The following CDH12 variants were observed in gnomAD, a reference collection of about 807,000 sequenced individuals.
CDH12 encodes cadherin-12.
CDH12 carries 41 observed loss-of-function variants against 74.1 expected under a neutral mutation model. The ratio of observed to expected loss-of-function variants is 0.55; its 90% confidence interval spans 0.43 to 0.72. The LOEUF (loss-of-function observed/expected upper bound fraction) is 0.72, where lower values mean the gene tolerates loss of function less well. Among genes scored for constraint, CDH12 ranks in the 30% least tolerant of loss-of-function variants. The pLI, the probability that CDH12 is intolerant of heterozygous loss-of-function variation, is 0.00. For missense variants in CDH12, 945 were observed against 977.2 expected (o/e 0.97, Z 0.44); for synonymous variants, 399 against 355.0 (o/e 1.12, Z -1.39).
chr5:22,794,460 G>A (rs562738138), intron 1 of CDH12, among the ~76,000 whole-genome samples: 35 of 152,244 alleles, frequency 2.3e-4, no homozygotes, highest in Admixed American at 1.8e-3. Flanking sequence ...TAACTGGAGC[G>A]GAGTCTGGGT....
intron 5 of CDH12, among the ~76,000 whole-genome samples, chr5:22,006,631 A>G (rs1736980203): frequency 6.6e-6 from 1 of 152,154 alleles, no homozygotes; most frequent in Non-Finnish European, 1.5e-5. Context: ...AACATTTACA[A>G]ACTAATAGGT....
At chr5:22,429,856 T>A (rs993895692) in intron 2 of CDH12, among the ~76,000 whole-genome samples, 3 of 152,212 alleles carry the variant, frequency 2.0e-5, no homozygotes, top group Non-Finnish European at 4.4e-5. Flanking sequence ...TGGTTTTGTA[T>A]AATTAATTGG....
chr5:22,425,263 A>G (rs1349896291), intron 2 of CDH12, among the ~76,000 whole-genome samples: 1 of 150,168 alleles, frequency 6.7e-6, no homozygotes, highest in African/African-American at 2.4e-5. Flanking sequence ...AACAATAGCT[A>G]GGCTATTTCC....
chr5:22,391,488 C>G (rs928071134), intron 3 of CDH12, among the ~76,000 whole-genome samples: 1 of 151,792 alleles, frequency 6.6e-6, no homozygotes, highest in Non-Finnish European at 1.5e-5. Flanking sequence ...ACTTCCCTGA[C>G]CATTACTTTT....
Position 22,138,074 on chromosome 5 carries a change from A to G in CDH12, c.-186-59212T>C, listed in dbSNP as rs1195832658. 2.6e-5 allele frequency among the ~76,000 whole-genome samples: 4 copies of G among 152,230 alleles called. No homozygotes were observed. In the East Asian group the frequency reaches 7.7e-4, roughly 29 times the overall value. ...ACCATAAGATTTCTACTGTAGAGCT[A>G]GAGCTATTTCACAGTTTAAAAGCTT... is the stretch of plus-strand genomic sequence containing the variant. On this transcript the variant is annotated intron_variant, in intron 4 of 14. Coordinates refer to ENST00000382254, the MANE Select transcript of CDH12 (RefSeq NM_004061.5).
In CDH12 at chr5:22,641,498, A is replaced by G. The variant is rs186401902; in HGVS notation, c.-522-136134T>C. ...GCTGAATCACACACCAATCTCCTCC[A>G]GAGTCACCCTCACAGGCCCACCCAG... On this transcript the variant is annotated intron_variant, in intron 1 of 14. Coordinates refer to ENST00000382254, the MANE Select transcript of CDH12 (RefSeq NM_004061.5). 4.4e-3 allele frequency among the ~76,000 whole-genome samples: 669 copies of G among 152,196 alleles called. 1 individual carries two copies. Among genetic ancestry groups the G allele is most frequent in the African/African-American group, 0.011 (469 of 41,538 alleles).
At chr5:22,335,314 T>G (rs1040852500) in intron 3 of CDH12, among the ~76,000 whole-genome samples, 3 of 152,142 alleles carry the variant, frequency 2.0e-5, no homozygotes, top group Non-Finnish European at 2.9e-5. Context: ...GTTCTTGTGA[T>G]AGTGAATGGG....
chr5:22,087,393 ACT>A (rs1460613033), intron 4 of CDH12, among the ~76,000 whole-genome samples: 4 of 151,904 alleles, frequency 2.6e-5, no homozygotes, highest in African/African-American at 9.7e-5. Flanking sequence ...TAATCCCAAC[ACT>A]CTGTGGGGCC....
At chr5:22,096,400 C>T (rs1743783541) in intron 4 of CDH12, among the ~76,000 whole-genome samples, 1 of 152,060 alleles carries the variant, frequency 6.6e-6, no homozygotes, top group African/African-American at 2.4e-5. Flanking sequence ...AATCTTCCTT[C>T]CCTCCCGCCG....
intron 5 of CDH12, among the ~76,000 whole-genome samples, chr5:22,006,268 C>G (rs575829174): frequency 6.6e-6 from 1 of 152,208 alleles, no homozygotes; most frequent in South Asian, 2.1e-4. Flanking sequence ...GTTCTCCCAT[C>G]TTGGCCTCTC....
intron 3 of CDH12, among the ~76,000 whole-genome samples, chr5:22,358,817 C>CG (rs1740675385): frequency 6.6e-6 from 1 of 152,166 alleles, no homozygotes; most frequent in Non-Finnish European, 1.5e-5. Context: ...TGGTAGTTCA[C>CG]ATTGATTGAT....
intron 1 of CDH12, among the ~76,000 whole-genome samples, chr5:22,520,078 T>A (rs1340987226): frequency 6.6e-6 from 1 of 152,106 alleles, no homozygotes; most frequent in East Asian, 1.9e-4. Flanking sequence ...ATGTGAGATT[T>A]TGGAGCAGAA....
chr5:22,126,616 C>A (rs1272595256), intron 4 of CDH12, among the ~76,000 whole-genome samples: 1 of 152,200 alleles, frequency 6.6e-6, no homozygotes, highest in Non-Finnish European at 1.5e-5. Context: ...ATTTCTTGTT[C>A]TATTCTATTT....
chr5:22,266,031 TTTG>T (rs1736085873), intron 3 of CDH12, among the ~76,000 whole-genome samples: 1 of 143,278 alleles, frequency 7.0e-6, no homozygotes, highest in African/African-American at 2.6e-5. Flanking sequence ...TGCCAAAAGC[TTTG>T]TTGATTATTT....
intron 7 of CDH12, among the ~76,000 whole-genome samples, chr5:21,852,178 A>C (rs753895973): frequency 6.6e-6 from 1 of 151,388 alleles, no homozygotes; most frequent in Non-Finnish European, 1.5e-5. Flanking sequence ...ATGAAGAACT[A>C]GTTTTCATTC....
At chr5:22,841,320 A>G (rs1737071054) in intron 1 of CDH12, among the ~76,000 whole-genome samples, 1 of 152,158 alleles carries the variant, frequency 6.6e-6, no homozygotes, top group Non-Finnish European at 1.5e-5. Context: ...GGCTTGATTG[A>G]GAGACTTCAC....
At chr5:22,295,472 C>T (rs189692411) in intron 3 of CDH12, among the ~76,000 whole-genome samples, 1 of 152,152 alleles carries the variant, frequency 6.6e-6, no homozygotes, top group African/African-American at 2.4e-5. Flanking sequence ...ATTAAAATTA[C>T]AAATTCACAC....
At chr5:22,787,304 TTAAAC>T (rs1480882191) in intron 1 of CDH12, among the ~76,000 whole-genome samples, 6 of 152,200 alleles carry the variant, frequency 3.9e-5, no homozygotes, top group Non-Finnish European at 1.5e-5. Context: ...AAGTCCATAC[TTAAAC>T]TAAAGGCACA....
At chr5:22,117,481 T>TA (rs1489337101) in intron 4 of CDH12, among the ~76,000 whole-genome samples, 2 of 45,330 alleles carry the variant, frequency 4.4e-5, no homozygotes, top group African/African-American at 1.8e-4. Flanking sequence ...ATATATATTA[T>TA]ATATATATTA....
Sources: allele counts gnomAD v4.1 joint callset (sites outside exome capture counted in the v4.1 genomes callset), GRCh38; gene constraint gnomAD v4.1.1; transcripts MANE v1.5; gene names NCBI Gene and HGNC (gene_info 2026-07-23, HGNC 2026-07-21).